The following PRELID2 variants were observed in gnomAD, a reference collection of about 807,000 sequenced individuals.
PRELID2 encodes the protein PRELI domain-containing protein 2.
A neutral mutation model predicts 28.4 loss-of-function variants in PRELID2; 25 were observed. The ratio of observed to expected loss-of-function variants is 0.88; its 90% CI spans 0.64 to 1.23. The LOEUF (loss-of-function observed/expected upper bound fraction) is 1.23, where lower values mean the gene tolerates loss of function less well. Ranked by LOEUF, PRELID2 falls within the 50% of genes most tolerant of loss-of-function variation. PRELID2 has a pLI of 0.00. For missense variants in PRELID2, 201 were observed against 214.4 expected (o/e 0.94, Z 0.39); for synonymous variants, 76 against 71.6 (o/e 1.06, Z -0.31).
At chr5:145,249,018 G>A in the PRELID2 span, among the ~76,000 whole-genome samples, 12 of 152,206 alleles carry the variant, frequency 7.9e-5, no homozygotes, top group African/African-American at 1.9e-4. Context: ...GCTGATGTTC[G>A]TTCAGATTTA....
intron 1 of PRELID2, among the ~76,000 whole-genome samples, chr5:145,825,479 T>A (rs1755133800): frequency 6.6e-6 from 1 of 152,128 alleles, no homozygotes; most frequent in Non-Finnish European, 1.5e-5. Flanking sequence ...AATGTGCTTA[T>A]CTCGTTTACT....
chr5:145,424,460 C>T, the PRELID2 span, among the ~76,000 whole-genome samples: 1 of 152,180 alleles, frequency 6.6e-6, no homozygotes, highest in East Asian at 1.9e-4. Flanking sequence ...TTAAGCCCGT[C>T]GGAAAAGCGC....
At chr5:145,302,823 T>C in the PRELID2 span, among the ~76,000 whole-genome samples, 1 of 152,156 alleles carries the variant, frequency 6.6e-6, no homozygotes, top group Non-Finnish European at 1.5e-5. Flanking sequence ...GTAGTAACAG[T>C]AGTAAAGGTT....
chr5:145,467,795 A>T (rs1752015687), downstream of PRELID2, among the ~76,000 whole-genome samples: 2 of 151,450 alleles, frequency 1.3e-5, 1 homozygote, highest in South Asian at 4.2e-4. Context: ...AGGTGGTATC[A>T]AACTAGCAGA....
the PRELID2 span, among the ~76,000 whole-genome samples, chr5:145,281,812 GT>G: frequency 6.6e-6 from 1 of 152,268 alleles, no homozygotes; most frequent in East Asian, 1.9e-4. Flanking sequence ...ATGGACTTGG[GT>G]TAAAATACTG....
At chr5:145,636,803 A>G (rs1754008937) in intron 1 of PRELID2, among the ~76,000 whole-genome samples, 2 of 152,232 alleles carry the variant, frequency 1.3e-5, no homozygotes, top group Non-Finnish European at 2.9e-5. Flanking sequence ...GTGCACTCTT[A>G]AAGGATTAAC....
chr5:145,681,706 C>T (rs919691170), intron 1 of PRELID2, among the ~76,000 whole-genome samples: 3 of 152,164 alleles, frequency 2.0e-5, no homozygotes, highest in African/African-American at 4.8e-5. Flanking sequence ...AACTGCACCC[C>T]CTTCTCTCCT....
intron 1 of PRELID2, among the ~76,000 whole-genome samples, chr5:145,730,785 C>T (rs1172850350): frequency 6.6e-6 from 1 of 152,188 alleles, no homozygotes; most frequent in African/African-American, 2.4e-5. Flanking sequence ...CAGAAACATT[C>T]CAAACTCCTC....
the PRELID2 span, among the ~76,000 whole-genome samples, chr5:145,287,231 T>C: frequency 6.6e-6 from 1 of 152,142 alleles, no homozygotes. Flanking sequence ...TATGTATACA[T>C]AGCTATGATA....
At chr5:145,383,370 A>G in the PRELID2 span, among the ~76,000 whole-genome samples, 1 of 151,170 alleles carries the variant, frequency 6.6e-6, no homozygotes, top group Non-Finnish European at 1.5e-5. Flanking sequence ...ATATATATAT[A>G]TACACACACA....
chr5:145,345,824 C>T, the PRELID2 span, among the ~76,000 whole-genome samples: 1 of 151,892 alleles, frequency 6.6e-6, no homozygotes, highest in African/African-American at 2.4e-5. Context: ...CACCCCGCAC[C>T]CCCGCCCCAC....
the PRELID2 span, among the ~76,000 whole-genome samples, chr5:145,315,961 T>G: frequency 6.6e-6 from 1 of 152,200 alleles, no homozygotes; most frequent in African/African-American, 2.4e-5. Flanking sequence ...AATTTTTTAC[T>G]ACATTTACTA....
chr5:145,379,875 G>T, the PRELID2 span, among the ~76,000 whole-genome samples: 1 of 152,136 alleles, frequency 6.6e-6, no homozygotes, highest in Non-Finnish European at 1.5e-5. Flanking sequence ...AAGCAAGCAT[G>T]TCCAGGCTAG....
At chr5:145,424,551 C>A in the PRELID2 span, among the ~76,000 whole-genome samples, 7 of 152,182 alleles carry the variant, frequency 4.6e-5, no homozygotes, top group African/African-American at 1.4e-4. Context: ...ACTCCCTGAC[C>A]CCTTGCGCTT....
chr5:145,440,707 G>T, the PRELID2 span: 10 of 152,072 alleles, frequency 6.6e-5, no homozygotes, highest in African/African-American at 2.4e-4. Flanking sequence ...TCTATTCTTA[G>T]AGATGAGAGC....
the PRELID2 span, among the ~76,000 whole-genome samples, chr5:145,257,929 T>A: frequency 1.3e-5 from 2 of 152,164 alleles, no homozygotes; most frequent in African/African-American, 2.4e-5. Context: ...TGGTTTAGCA[T>A]CATTCTCTTG....
At chr5:145,350,528 G>A in the PRELID2 span, among the ~76,000 whole-genome samples, 2 of 152,132 alleles carry the variant, frequency 1.3e-5, no homozygotes, top group Non-Finnish European at 2.9e-5. Context: ...CCATTATGAA[G>A]CCCATCCACG....
intron 1 of PRELID2, among the ~76,000 whole-genome samples, chr5:145,533,205 G>A (rs891646218): frequency 3.9e-5 from 6 of 152,026 alleles, no homozygotes; most frequent in African/African-American, 1.4e-4. Flanking sequence ...ATGTGGGAAT[G>A]GGACAATGTA....
the PRELID2 span, among the ~76,000 whole-genome samples, chr5:145,360,995 T>G: frequency 6.6e-6 from 1 of 152,166 alleles, no homozygotes; most frequent in East Asian, 1.9e-4. Flanking sequence ...GTCCTCTCAC[T>G]TACCCACCTA....
Sources: gnomAD v4.1 joint callset for allele counts (sites outside exome capture counted in the v4.1 genomes callset) on GRCh38, gnomAD v4.1.1 for gene constraint, MANE v1.5 for transcripts, NCBI Gene and HGNC (gene_info 2026-07-23, HGNC 2026-07-21) for gene names.